OSBPL9: variants seen among roughly 807,000 people sequenced by gnomAD.
The protein encoded by OSBPL9 is oxysterol binding protein like 9.
OSBPL9 carries 40 observed loss-of-function variants against 106.6 expected under a neutral mutation model. The ratio of observed to expected loss-of-function variants is 0.38; its 90% CI spans 0.29 to 0.49. The LOEUF (loss-of-function observed/expected upper bound fraction) is 0.49, where lower values mean the gene tolerates loss of function less well. OSBPL9 is among the 20% of genes least tolerant of loss of function. The probability of loss-of-function intolerance (pLI) is 0.97; values close to 1 mark genes in which losing one functional copy is unlikely to be tolerated. For synonymous variants in OSBPL9, 269 were observed against 295.4 expected (o/e 0.91, Z 0.92); for missense variants, 609 against 887.2 (o/e 0.69, Z 3.98).
At chr1:51,621,097 A>G (rs1644400875) in intron 1 of OSBPL9, among the ~76,000 whole-genome samples, 1 of 152,258 alleles carries the variant, frequency 6.6e-6, no homozygotes, top group Non-Finnish European at 1.5e-5. Flanking sequence ...CATCCAGCTT[A>G]TACAAGTATC....
intron 1 of OSBPL9, among the ~76,000 whole-genome samples, chr1:51,585,053 A>G (rs898851913): frequency 2.6e-5 from 4 of 152,108 alleles, no homozygotes; most frequent in African/African-American, 7.2e-5. Context: ...GCACACCTAT[A>G]GTCTCAGCTA....
At chr1:51,578,515 T>A (rs892623258) in intron 1 of OSBPL9, among the ~76,000 whole-genome samples, 3 of 152,158 alleles carry the variant, frequency 2.0e-5, no homozygotes, top group Non-Finnish European at 4.4e-5. Flanking sequence ...GAATGACCCT[T>A]TAGTGGTCAT....
intron 2 of OSBPL9, among the ~76,000 whole-genome samples, chr1:51,609,127 T>C (rs1570542103): frequency 6.6e-6 from 1 of 152,188 alleles, no homozygotes; most frequent in South Asian, 2.1e-4. Context: ...ATTTCCTGCA[T>C]TTGATCTTGA....
intron 1 of OSBPL9, among the ~76,000 whole-genome samples, chr1:51,625,037 A>G (rs1644687709): frequency 6.6e-6 from 1 of 152,222 alleles, no homozygotes; most frequent in Non-Finnish European, 1.5e-5. Context: ...GTTTTACAGA[A>G]TATACTAATA....
intron 1 of OSBPL9, among the ~76,000 whole-genome samples, chr1:51,633,697 C>T (rs1645251217): frequency 6.6e-6 from 1 of 152,186 alleles, no homozygotes. Context: ...TCATGGTTCA[C>T]TGCAGCCACA....
At chr1:51,562,710 T>C in the OSBPL9 span, among the ~76,000 whole-genome samples, 9 of 152,138 alleles carry the variant, frequency 5.9e-5, no homozygotes, top group Non-Finnish European at 1.3e-4. Context: ...AGCTCATTCA[T>C]GAAATAAAGA....
At chr1:51,772,868 TAAAC>T in intron 14 of OSBPL9, 145 bp downstream of exon 14, 1 of 675,704 alleles carries the variant, frequency 1.5e-6, no homozygotes, top group Non-Finnish European at 2.7e-6. Context: ...TGTAGATAAG[TAAAC>T]AAAATTTTAT....
chr1:51,606,455 T>C (rs1268661574), intron 2 of OSBPL9, among the ~76,000 whole-genome samples: 2 of 152,196 alleles, frequency 1.3e-5, no homozygotes, highest in Non-Finnish European at 2.9e-5. Flanking sequence ...GCTGTGATGA[T>C]TTGTCTTTAA....
At chr1:51,674,065 CT>C (rs199650810) in intron 3 of OSBPL9, among the ~76,000 whole-genome samples, 4,253 of 132,998 alleles carry the variant, frequency 0.032, 155 homozygotes, top group East Asian at 0.11. Context: ...TCTTCTTCTT[CT>C]TTTTTTTTTT....
At chr1:51,706,266 A>G (rs1286025997) in intron 3 of OSBPL9, among the ~76,000 whole-genome samples, 1 of 152,236 alleles carries the variant, frequency 6.6e-6, no homozygotes, top group Admixed American at 6.5e-5. Flanking sequence ...CCTGTGGCCC[A>G]ACCTAATAGT....
chr1:51,694,892 A>G (rs762937061), intron 3 of OSBPL9, among the ~76,000 whole-genome samples: 1 of 152,174 alleles, frequency 6.6e-6, no homozygotes, highest in Non-Finnish European at 1.5e-5. Context: ...AATGTTGTCA[A>G]TTTTTCCTGA....
At chr1:51,701,860 G>A (rs1008382083) in intron 3 of OSBPL9, among the ~76,000 whole-genome samples, 6 of 151,846 alleles carry the variant, frequency 4.0e-5, no homozygotes, top group Admixed American at 6.6e-5. Flanking sequence ...ATGTGTTCTC[G>A]TTGTTCAATT....
At chr1:51,747,624 G>A in intron 6 of OSBPL9, among the ~76,000 whole-genome samples, 1 of 111,936 alleles carries the variant, frequency 8.9e-6, no homozygotes, top group Non-Finnish European at 1.7e-5. Context: ...TTTTATACCT[G>A]TTAATAGTAA....
chr1:51,658,100 C>G (rs1441073505), intron 2 of OSBPL9, among the ~76,000 whole-genome samples: 1 of 150,750 alleles, frequency 6.6e-6, no homozygotes, highest in Non-Finnish European at 1.5e-5. Flanking sequence ...AGAGCAAGAC[C>G]CTGTCTCAAA....
chr1:51,583,298 A>T (rs1347315827), intron 1 of OSBPL9, among the ~76,000 whole-genome samples: 1 of 152,138 alleles, frequency 6.6e-6, no homozygotes, highest in African/African-American at 2.4e-5. Flanking sequence ...AGTGTAGGAA[A>T]GGGAGCTAGC....
upstream of OSBPL9, among the ~76,000 whole-genome samples, chr1:51,612,233 ACT>A (rs1276801492): frequency 7.3e-5 from 11 of 150,866 alleles, no homozygotes; most frequent in Non-Finnish European, 1.5e-4. Flanking sequence ...GCTTTTTAAA[ACT>A]CTCTTTGTCT....
chr1:51,675,356 A>T (rs913236451), intron 3 of OSBPL9, among the ~76,000 whole-genome samples: 1 of 151,594 alleles, frequency 6.6e-6, no homozygotes, highest in African/African-American at 2.4e-5. Flanking sequence ...GCCAGAAATT[A>T]ATTAATTAAT....
intron 3 of OSBPL9, among the ~76,000 whole-genome samples, chr1:51,690,711 G>A (rs1177334993): frequency 6.6e-6 from 1 of 152,156 alleles, no homozygotes; most frequent in Non-Finnish European, 1.5e-5. Context: ...ATATAAAACA[G>A]ATAAAGATCC....
intron 3 of OSBPL9, among the ~76,000 whole-genome samples, chr1:51,684,050 C>G (rs977691354): frequency 2.0e-5 from 3 of 152,080 alleles, no homozygotes; most frequent in Non-Finnish European, 4.4e-5. Context: ...GTCACCGAGG[C>G]TAGAGAGCAG....
Sources: allele counts gnomAD v4.1 joint callset (sites outside exome capture counted in the v4.1 genomes callset), GRCh38; gene constraint gnomAD v4.1.1; transcripts MANE v1.5; gene names NCBI Gene and HGNC (gene_info 2026-07-23, HGNC 2026-07-21).